N4BP2: variants seen among roughly 807,000 people sequenced by gnomAD.
N4BP2 encodes the protein NEDD4-binding protein 2.
In N4BP2, 91 loss-of-function variants were observed where a neutral mutation model predicts 152.8. The ratio of observed to expected loss-of-function variants is 0.60; its 90% CI spans 0.50 to 0.71. N4BP2 has a LOEUF of 0.71. N4BP2 is among the 30% of genes least tolerant of loss of function. The pLI, the probability that N4BP2 is intolerant of heterozygous loss-of-function variation, is 0.00. For synonymous variants in N4BP2, 646 were observed against 705.3 expected, an observed-to-expected ratio of 0.92 and a Z score of 1.33; for missense variants, 1,923 against 2,059.1, an observed-to-expected ratio of 0.93 and a Z score of 1.28.
chr4:40,141,093 T>A (rs1054253144), intron 14 of N4BP2, among the ~76,000 whole-genome samples: 65 of 152,100 alleles, frequency 4.3e-4, no homozygotes, highest in African/African-American at 1.5e-3. Context: ...CCGTTCTCAA[T>A]GAGCTGCCGG....
intron 2 of N4BP2, among the ~76,000 whole-genome samples, chr4:40,079,788 G>C (rs968673992): frequency 2.0e-5 from 3 of 151,866 alleles, no homozygotes; most frequent in African/African-American, 7.3e-5. Context: ...GGTGACAGAG[G>C]GAGACTGTCT....
intron 13 of N4BP2, among the ~76,000 whole-genome samples, chr4:40,136,085 T>C (rs1242964205): frequency 6.6e-6 from 1 of 152,178 alleles, no homozygotes; most frequent in Middle Eastern, 3.2e-3. Flanking sequence ...TATGACTGAA[T>C]AATGCAGGGA....
intron 9 of N4BP2, 30 bp from the exon 10 acceptor site, chr4:40,123,097 C>T (rs1718083827): frequency 7.0e-7 from 1 of 1,420,016 alleles, no homozygotes; most frequent in African/African-American, 1.4e-5. Context: ...GTAATGATTA[C>T]ATTTTCTTCC....
chr4:40,141,222 A>AC (rs369480878), intron 14 of N4BP2, among the ~76,000 whole-genome samples: 5 of 145,972 alleles, frequency 3.4e-5, no homozygotes, highest in African/African-American at 7.7e-5. Context: ...CGGGGGGCTG[A>AC]CCCCCCCACC....
chr4:40,102,145 A>C lies in N4BP2; in HGVS notation c.300A>C (p.Gln100His), dbSNP rs1393400055. Reference sequence around the variant, plus strand: ...CCAAGATAGAAGAATCATCTTCACAAAGTTTCGTTGCTTCTGAGAACCAAG... The same window carrying C: ...CCAAGATAGAAGAATCATCTTCACACAGTTTCGTTGCTTCTGAGAACCAAG... ...TDTKIEESSS[Q>H]SFVASENQVG... is the part of the protein sequence containing the mutation. The change falls in exon 4 of 18, where the codon CAA (glutamine) becomes CAC (histidine). Residue 100 changes from glutamine to histidine, a missense_variant. Coordinates refer to ENST00000261435, the MANE Select transcript of N4BP2 (RefSeq NM_018177.6). The C allele has an allele frequency of 1.2e-6, 2 of 1,613,258 alleles. No individual in the cohort carries two copies. Among genetic ancestry groups the C allele is most frequent in the Non-Finnish European group, 1.7e-6 (2 of 1,179,666 alleles).
Position 40,103,172 on chromosome 4 carries a change from G to C in N4BP2, c.1327G>C (p.Val443Leu), listed in dbSNP as rs1423958735. ...GACATCTTACGTTGGACTAGTTCTT[G>C]TTCTTCTCAGAGGTCTTCCGGGATC... Reference protein sequence around the residue: ...KKTSYVGLVLVLLRGLPGSGK... With the variant: ...KKTSYVGLVLLLLRGLPGSGK... The change falls in exon 4 of 18, where the codon GTT (valine) becomes CTT (leucine). Residue 443 changes from valine (V) to leucine (L), a missense_variant. Coordinates refer to ENST00000261435, the MANE Select transcript of N4BP2 (RefSeq NM_018177.6). The C allele has an allele frequency of 2.5e-6, 4 of 1,613,956 alleles. No individual in the cohort carries two copies. Among genetic ancestry groups the C allele is most frequent in the Non-Finnish European group, 3.4e-6 (4 of 1,179,952 alleles).
chr4:40,094,524 C>T (rs973123689), intron 2 of N4BP2, among the ~76,000 whole-genome samples: 3 of 152,020 alleles, frequency 2.0e-5, no homozygotes, highest in Non-Finnish European at 4.4e-5. Flanking sequence ...AGTGCATATA[C>T]ATTTAGGGTT....
In N4BP2 at chr4:40,083,099, G is replaced by A. The variant is rs77388304; in HGVS notation, c.-115+9548G>A. 903 of 171,272 alleles carry A rather than the reference G, an allele frequency of 5.3e-3. 9 individuals are homozygous for A. The highest frequency in any genetic ancestry group is 0.02 in the African/African-American group (860 of 41,968). The allele number at this position is 171,272 out of a possible 1,614,324, so 10.6% of individuals were successfully genotyped here. On this transcript the variant is annotated intron_variant, in intron 2 of 17. Transcript: ENST00000261435. ...CTGTGCCTGTTCTGTATTATGAAGCGGGGTTGGGGGGCGGTGCAGACATAG... is the reference window on the plus strand; with the variant it reads ...CTGTGCCTGTTCTGTATTATGAAGCAGGGTTGGGGGGCGGTGCAGACATAG...
chr4:40,186,180 G>A, the N4BP2 span, among the ~76,000 whole-genome samples: 1 of 152,032 alleles, frequency 6.6e-6, no homozygotes, highest in Non-Finnish European at 1.5e-5. Context: ...GCATTGGGTT[G>A]GAATCCTCTA....
At chr4:40,161,158 G>C (rs1721849448), downstream of N4BP2, among the ~76,000 whole-genome samples, 1 of 152,196 alleles carries the variant, frequency 6.6e-6, no homozygotes. Flanking sequence ...GTCGAGAATT[G>C]AATTGGTAGA....
intron 16 of N4BP2, among the ~76,000 whole-genome samples, chr4:40,151,722 A>G (rs1417148562): frequency 2.0e-5 from 3 of 152,250 alleles, no homozygotes; most frequent in Non-Finnish European, 4.4e-5. Context: ...TTGTGAAGCT[A>G]GCACTCAGTT....
the N4BP2 span, among the ~76,000 whole-genome samples, chr4:40,189,731 A>C: frequency 6.6e-6 from 1 of 152,092 alleles, no homozygotes. This position sits in a 1 kb window ranked among gnomAD's most constrained non-coding sequence, Gnocchi z 4.3. Context: ...TCTACTAAAA[A>C]TACAAAAATT....
intron 15 of N4BP2, among the ~76,000 whole-genome samples, chr4:40,143,527 C>G (rs1329183358): frequency 6.6e-6 from 1 of 152,122 alleles, no homozygotes. Context: ...TCGTGAACTC[C>G]TGAGCTCAAG....
chr4:40,088,817 C>A (rs1380713564), intron 2 of N4BP2, among the ~76,000 whole-genome samples: 1 of 152,032 alleles, frequency 6.6e-6, no homozygotes, highest in Admixed American at 6.6e-5. Context: ...AGTTTTAATT[C>A]GCACTTACTT....
intron 4 of N4BP2, among the ~76,000 whole-genome samples, chr4:40,104,543 A>T (rs1283135362): frequency 6.6e-6 from 1 of 152,098 alleles, no homozygotes; most frequent in African/African-American, 2.4e-5. Context: ...AACAACAACA[A>T]CATAAAACAA....
chr4:40,148,360 A>G (rs1056168238), intron 16 of N4BP2, among the ~76,000 whole-genome samples: 1 of 152,004 alleles, frequency 6.6e-6, no homozygotes, highest in Non-Finnish European at 1.5e-5. Context: ...CGGAGGCAGG[A>G]GAATCAGGCA....
chr4:40,086,595 C>G (rs764604869), intron 2 of N4BP2, among the ~76,000 whole-genome samples: 3 of 151,612 alleles, frequency 2.0e-5, no homozygotes, highest in Non-Finnish European at 4.4e-5. Context: ...GCCTTGGCCT[C>G]CCAAAGTGCA....
chr4:40,062,948 T>C (rs1035306285), intron 1 of N4BP2, among the ~76,000 whole-genome samples: 11 of 152,310 alleles, frequency 7.2e-5, no homozygotes, highest in South Asian at 2.1e-4. Context: ...TCTCACCACA[T>C]AGCGGTAAAT....
chr4:40,069,393 C>T (rs779386060), intron 1 of N4BP2, among the ~76,000 whole-genome samples: 4 of 152,208 alleles, frequency 2.6e-5, no homozygotes, highest in East Asian at 1.9e-4. Flanking sequence ...CACCACTGCA[C>T]GAAAGAGTGA....
Sources: gnomAD v4.1 joint callset for allele counts (sites outside exome capture counted in the v4.1 genomes callset) on GRCh38, gnomAD v4.1.1 for gene constraint, Gnocchi (gnomAD v3.1) non-coding constraint, MANE v1.5 for transcripts, NCBI Gene and HGNC (gene_info 2026-07-23, HGNC 2026-07-21) for gene names.